The following WWOX variants were observed in gnomAD, a reference collection of about 807,000 sequenced individuals.
WWOX encodes the protein WW domain containing oxidoreductase, also known as WW domain-containing oxidoreductase.
In WWOX, 69 loss-of-function variants were observed where a neutral mutation model predicts 46.2. The observed-to-expected ratio is 1.49, with a 90% CI of 1.23 to 1.82. The LOEUF (loss-of-function observed/expected upper bound fraction) is 1.82. WWOX is among the 40% of genes most tolerant of loss of function. The probability of loss-of-function intolerance (pLI) is 0.00; values close to 1 mark genes in which losing one functional copy is unlikely to be tolerated. For missense variants in WWOX, 919 were observed against 542.6 expected, an observed-to-expected ratio of 1.69 and a Z score of -6.89; for synonymous variants, 359 against 202.6, an observed-to-expected ratio of 1.77 and a Z score of -6.56.
At chr16:78,691,029 A>G (rs1179613008) in intron 8 of WWOX, among the ~76,000 whole-genome samples, 1 of 152,194 alleles carries the variant, frequency 6.6e-6, no homozygotes, top group Admixed American at 6.5e-5. Context: ...AAGCAGACAT[A>G]CTCGATACAT....
At chr16:79,149,829 AC>A (rs2050244388) in intron 8 of WWOX, among the ~76,000 whole-genome samples, 1 of 152,056 alleles carries the variant, frequency 6.6e-6, no homozygotes, top group East Asian at 1.9e-4. Context: ...CTCCTCCTAT[AC>A]CCCATCAGCC....
intron 8 of WWOX, among the ~76,000 whole-genome samples, chr16:78,858,790 C>T (rs1273226118): frequency 6.6e-6 from 1 of 151,464 alleles, no homozygotes; most frequent in East Asian, 2.0e-4. Flanking sequence ...GTGATTCTCC[C>T]ATCTCAGCCT....
At chr16:78,218,496 G>A (rs1431241401) in intron 5 of WWOX, among the ~76,000 whole-genome samples, 1 of 152,018 alleles carries the variant, frequency 6.6e-6, no homozygotes, top group East Asian at 1.9e-4. Flanking sequence ...GTTGACAGGA[G>A]TCATGATTTG....
intron 1 of WWOX, among the ~76,000 whole-genome samples, chr16:78,105,719 T>G (rs887688336): frequency 1.3e-5 from 2 of 152,214 alleles, no homozygotes; most frequent in Non-Finnish European, 2.9e-5. Flanking sequence ...CAGCTTCACC[T>G]TCTAAGGGCT....
intron 5 of WWOX, among the ~76,000 whole-genome samples, chr16:78,358,203 CCT>C (rs1232817449): frequency 6.6e-6 from 1 of 152,060 alleles, no homozygotes; most frequent in Admixed American, 6.6e-5. Flanking sequence ...CGAAAGATAA[CCT>C]CTTGTATTTA....
chr16:78,517,674 G>A (rs573521797), intron 8 of WWOX, among the ~76,000 whole-genome samples: 78 of 152,172 alleles, frequency 5.1e-4, no homozygotes, highest in African/African-American at 1.8e-3. Context: ...GTGGAAGCGC[G>A]AGGTGGTGAG....
In WWOX at chr16:78,756,192, T is replaced by A. The variant is rs372660803; in HGVS notation, c.1056+323440T>A. Among the ~76,000 whole-genome samples, 74 of 152,266 alleles carry A rather than the reference T, an allele frequency of 4.9e-4. No individual in the cohort carries two copies. The South Asian group carries it at 0.013, about 26-fold the overall frequency. ...ATGTACTGCCTCTGGCTAATAGGGA[T>A]CTTTGACACATACGCTTTTTCTCCC... On this transcript the variant is annotated intron_variant, in intron 8 of 8. Coordinates refer to ENST00000566780, the MANE Select transcript of WWOX (RefSeq NM_016373.4).
At chr16:78,853,712 GT>G (rs1266501214) in intron 8 of WWOX, among the ~76,000 whole-genome samples, 1 of 152,070 alleles carries the variant, frequency 6.6e-6, no homozygotes, top group Non-Finnish European at 1.5e-5. Flanking sequence ...CGTGGTGGGG[GT>G]GTAGTGGGCT....
chr16:78,993,302 C>G (rs2046924950), intron 8 of WWOX, among the ~76,000 whole-genome samples: 1 of 152,006 alleles, frequency 6.6e-6, no homozygotes, highest in Non-Finnish European at 1.5e-5. Flanking sequence ...CCTGAAATTG[C>G]TTTTTATAAT....
intron 5 of WWOX, among the ~76,000 whole-genome samples, chr16:78,191,716 G>A (rs146650660): frequency 5.3e-5 from 8 of 152,098 alleles, no homozygotes; most frequent in Non-Finnish European, 7.3e-5. Flanking sequence ...CTTGATCCTC[G>A]GAAGAGATTC....
At chr16:78,900,154 C>G (rs1008798035) in intron 8 of WWOX, among the ~76,000 whole-genome samples, 1 of 141,532 alleles carries the variant, frequency 7.1e-6, no homozygotes, top group African/African-American at 2.6e-5. Context: ...GAGTCAGTAA[C>G]AAACCGTTCA....
Position 78,147,385 on chromosome 16 carries a change from A to G in WWOX, c.410-16798A>G, listed in dbSNP as rs576526965. ...TGGTGAGCCCACAGAGCACAGAGTT[A>G]ATGGAACTCTGGCCGTTGATGTAGC... On this transcript the variant is annotated intron_variant, in intron 4 of 8. Transcript: ENST00000566780. Among the ~76,000 whole-genome samples the G allele has an allele frequency of 5.9e-5, 9 of 152,294 alleles. No individual in the cohort carries two copies. In the East Asian group the frequency reaches 1.5e-3, roughly 26 times the overall value.
At chr16:79,007,089 C>G (rs1006507103) in intron 8 of WWOX, among the ~76,000 whole-genome samples, 2 of 152,108 alleles carry the variant, frequency 1.3e-5, no homozygotes, top group African/African-American at 2.4e-5. Flanking sequence ...AGGCCAGGCG[C>G]TATGCCAAGC....
chr16:78,173,585 A>G (rs1286506255), intron 5 of WWOX, among the ~76,000 whole-genome samples: 2 of 151,934 alleles, frequency 1.3e-5, no homozygotes, highest in African/African-American at 2.4e-5. Flanking sequence ...GGCATGGGCC[A>G]TCGTGCCTGG....
At chr16:78,315,265 A>G (rs2080335703) in intron 5 of WWOX, among the ~76,000 whole-genome samples, 1 of 152,238 alleles carries the variant, frequency 6.6e-6, no homozygotes, top group African/African-American at 2.4e-5. Context: ...ATAGAAATGT[A>G]GACATGAGAA....
rs985560292 is a variant in WWOX, at chr16:78,657,345, T to C, written c.1056+224593T>C. On this transcript the variant is annotated intron_variant, in intron 8 of 8. Transcript: ENST00000566780. ...GAAAATGAGGTGGGGGGAAGGGGACTTTCTTGCTTCCTCATAGTTCTCCCC... is the reference window on the plus strand; with the variant it reads ...GAAAATGAGGTGGGGGGAAGGGGACCTTCTTGCTTCCTCATAGTTCTCCCC... Among the ~76,000 whole-genome samples the C allele has an allele frequency of 2.8e-4, 42 of 152,162 alleles. 3 individuals carry two copies. Among genetic ancestry groups the C allele is most frequent in the Non-Finnish European group, 4.4e-5 (3 of 68,034 alleles).
intron 8 of WWOX, among the ~76,000 whole-genome samples, chr16:79,015,514 C>G (rs958233095): frequency 6.6e-6 from 1 of 152,100 alleles, no homozygotes; most frequent in Non-Finnish European, 1.5e-5. Context: ...TCTTTTCCTT[C>G]CAATGAGAAG....
chr16:79,021,814 G>A (rs2047539330), intron 8 of WWOX, among the ~76,000 whole-genome samples: 1 of 152,200 alleles, frequency 6.6e-6, no homozygotes, highest in Non-Finnish European at 1.5e-5. Flanking sequence ...TAAGGAGTCT[G>A]CACTAGCTTG....
At chr16:78,528,396 C>T (rs183590553) in intron 8 of WWOX, among the ~76,000 whole-genome samples, 2 of 151,806 alleles carry the variant, frequency 1.3e-5, no homozygotes, top group Non-Finnish European at 2.9e-5. Context: ...AGCAGAAGAT[C>T]GCTCTCACCA....
Sources: gnomAD v4.1 joint callset for allele counts (sites outside exome capture counted in the v4.1 genomes callset) on GRCh38, gnomAD v4.1.1 for gene constraint, MANE v1.5 for transcripts, NCBI Gene and HGNC (gene_info 2026-07-23, HGNC 2026-07-21) for gene names.